DERA: variants seen among roughly 807,000 people sequenced by gnomAD.
DERA encodes deoxyribose-phosphate aldolase.
In DERA, 15 loss-of-function variants were observed where a neutral mutation model predicts 41.1. The ratio of observed to expected loss-of-function variants is 0.37; its 90% CI spans 0.24 to 0.56. The LOEUF (loss-of-function observed/expected upper bound fraction) is 0.56, where lower values mean the gene tolerates loss of function less well. Among genes scored for constraint, DERA ranks in the 20% least tolerant of loss-of-function variants. The pLI, the probability that DERA is intolerant of heterozygous loss-of-function variation, is 0.81. For missense variants in DERA, 396 were observed against 403.4 expected (o/e 0.98, Z 0.16); for synonymous variants, 139 against 137.4 (o/e 1.01, Z -0.08).
rs147923803 is a variant in DERA, at chr12:15,962,808, A to G, written c.374-5A>G. 36 of 1,525,348 alleles carry G rather than the reference A, an allele frequency of 2.4e-5. No individual in the cohort carries two copies. Among genetic ancestry groups the G allele is most frequent in the African/African-American group, 5.6e-5 (4 of 71,290 alleles). The allele number at this position is 1,525,348 out of a possible 1,614,324, so 94.5% of individuals were successfully genotyped here. On this transcript the variant is annotated splice_polypyrimidine_tract_variant and splice_region_variant and intron_variant, in intron 4 of 8. Coordinates refer to ENST00000428559, the MANE Select transcript of DERA (RefSeq NM_015954.4). ...TTTCTTCATTTCCTTTCTTAACTCTATTAGTGGCCGCTGGATTTCCAGCTG... is the reference window on the plus strand; with the variant it reads ...TTTCTTCATTTCCTTTCTTAACTCTGTTAGTGGCCGCTGGATTTCCAGCTG...
intron 6 of DERA, among the ~76,000 whole-genome samples, chr12:16,007,290 T>G (rs145907738): frequency 0.016 from 2,429 of 152,148 alleles, 31 homozygotes; most frequent in Middle Eastern, 0.031. Context: ...TTCAAGTGAT[T>G]CTTGTGCCTC....
At chr12:15,963,223 A>G (rs1283237051) in intron 5 of DERA, among the ~76,000 whole-genome samples, 2 of 152,130 alleles carry the variant, frequency 1.3e-5, no homozygotes, top group South Asian at 2.1e-4. Flanking sequence ...AAACAATTTT[A>G]TTTTACCAAC....
chr12:15,946,504 G>A (rs1948450057), intron 1 of DERA, among the ~76,000 whole-genome samples: 1 of 152,102 alleles, frequency 6.6e-6, no homozygotes, highest in South Asian at 2.1e-4. Flanking sequence ...AGATTTTCTA[G>A]TTTATTTGCA....
intron 5 of DERA, among the ~76,000 whole-genome samples, chr12:15,980,679 C>T (rs1458924748): frequency 6.6e-6 from 1 of 151,992 alleles, no homozygotes; most frequent in African/African-American, 2.4e-5. Flanking sequence ...TCAGATCATC[C>T]CTAGTACTCA....
At chr12:16,005,955 C>T (rs1948907604) in intron 6 of DERA, among the ~76,000 whole-genome samples, 2 of 152,180 alleles carry the variant, frequency 1.3e-5, no homozygotes, top group African/African-American at 4.8e-5. Context: ...TCCTTACAAT[C>T]TCTTTAAACA....
chr12:16,034,932 A>C (rs1392666678), intron 7 of DERA, among the ~76,000 whole-genome samples: 1 of 134,026 alleles, frequency 7.5e-6, no homozygotes, highest in Non-Finnish European at 1.6e-5. Flanking sequence ...CTCAACAAAT[A>C]ACCTCATCCT....
In DERA at chr12:15,936,336, G is replaced by C. The variant is rs1431413047; in HGVS notation, c.32-20600G>C. Among the ~76,000 whole-genome samples, 2 of 152,182 alleles carry C rather than the reference G, an allele frequency of 1.3e-5. No homozygotes were observed. Among genetic ancestry groups the C allele is most frequent in the African/African-American group, 4.8e-5 (2 of 41,456 alleles). On this transcript the variant is annotated intron_variant, in intron 1 of 8. Coordinates refer to ENST00000428559, the MANE Select transcript of DERA (RefSeq NM_015954.4). This position sits in a 1 kb window ranked among gnomAD's most constrained non-coding sequence, Gnocchi z 4.6. The stretch of plus-strand genomic sequence containing the variant: ...TCAAACATTCAGAAAAGTAGGACTA[G>C]TATAAAGAACACTCATATATCTGTC...
At position 15,999,054 on chromosome 12, in the gene DERA, CA is replaced by C. The variant is rs930186795; in HGVS notation, c.637+16620del. Among the ~76,000 whole-genome samples the C allele has an allele frequency of 2.6e-5, 4 of 152,148 alleles. No homozygotes were observed. The highest frequency in any genetic ancestry group is 9.7e-5 in the African/African-American group (4 of 41,430). On this transcript the variant is annotated intron_variant, in intron 6 of 8. Transcript: ENST00000428559. The surrounding 1 kb of genome is among the most constrained non-coding windows in gnomAD (Gnocchi z 5.3). ...TTTAGGATTTGAATAGGGAGTTCCC[CA>C]ATTCCAAACTGTGTCGGGGAATGGG...
rs1213171945 is a variant in DERA, at chr12:16,021,462, A to G, written c.638-11080A>G. Among the ~76,000 whole-genome samples the G allele has an allele frequency of 6.6e-6, 1 of 152,252 alleles. No individual in the cohort carries two copies. Among genetic ancestry groups the G allele is most frequent in the Non-Finnish European group, 1.5e-5 (1 of 68,040 alleles). Reference sequence around the variant, plus strand: ...GATGTGTCAGAAAGACTGGGTACCCAGGCAGGGATTCTCTACTAAGGCAGT... The same window carrying G: ...GATGTGTCAGAAAGACTGGGTACCCGGGCAGGGATTCTCTACTAAGGCAGT... On this transcript the variant is annotated intron_variant, in intron 6 of 8. Coordinates refer to ENST00000428559, the MANE Select transcript of DERA (RefSeq NM_015954.4). The surrounding 1 kb of genome is among the most constrained non-coding windows in gnomAD (Gnocchi z 5.3).
At position 15,998,953 on chromosome 12, in the gene DERA, C is replaced by G. The variant is rs1473245868; in HGVS notation, c.637+16517C>G. ...ATTTATATTTTAAATTTAGGTCTCT[C>G]AGGACATTTGTAATTCTTCTACTGT... On this transcript the variant is annotated intron_variant, in intron 6 of 8. Transcript: ENST00000428559. This position sits in a 1 kb window ranked among gnomAD's most constrained non-coding sequence, Gnocchi z 4.8. Among the ~76,000 whole-genome samples the G allele has an allele frequency of 1.3e-5, 2 of 152,172 alleles. No individual in the cohort carries two copies. The highest frequency in any genetic ancestry group is 1.5e-5 in the Non-Finnish European group (1 of 68,036).
chr12:16,023,257 C>T (rs1949028122), intron 6 of DERA, among the ~76,000 whole-genome samples: 1 of 152,002 alleles, frequency 6.6e-6, no homozygotes, highest in Non-Finnish European at 1.5e-5. Flanking sequence ...TAGGGAAGCC[C>T]AGAATAAAGA....
At position 15,957,058 on chromosome 12, in the gene DERA, G is replaced by T. The variant is rs779403940; in HGVS notation, c.129+25G>T. ...GGTAAGGGTTCTTCTTGAGCATTCTGTGCCTGTATTTTACAATGCATGGTC... is the reference window on the plus strand; with the variant it reads ...GGTAAGGGTTCTTCTTGAGCATTCTTTGCCTGTATTTTACAATGCATGGTC... On this transcript the variant is annotated intron_variant, in intron 2 of 8. Transcript: ENST00000428559. The surrounding 1 kb of genome is among the most constrained non-coding windows in gnomAD (Gnocchi z 4.8). The T allele has an allele frequency of 7.0e-6, 11 of 1,580,140 alleles. No individual in the cohort carries two copies. In the South Asian group the frequency reaches 1.2e-4, roughly 18 times the overall value.
chr12:15,925,755 TA>T (rs900936195), intron 1 of DERA, among the ~76,000 whole-genome samples: 5 of 151,672 alleles, frequency 3.3e-5, no homozygotes, highest in African/African-American at 9.7e-5. Flanking sequence ...TTTGCTGACT[TA>T]GAGGACCTTA....
At chr12:16,025,300 C>T (rs1949046042) in intron 6 of DERA, among the ~76,000 whole-genome samples, 1 of 152,026 alleles carries the variant, frequency 6.6e-6, no homozygotes, top group Non-Finnish European at 1.5e-5. Context: ...TATATGTTGT[C>T]TGTAAGAAAG....
rs777310355 is a variant in DERA, at chr12:15,979,978, A to G, written c.509-2330A>G. Among the ~76,000 whole-genome samples, 34 of 152,352 alleles carry G rather than the reference A, an allele frequency of 2.2e-4. No individual in the cohort carries two copies. The South Asian group carries it at 2.7e-3, about 12-fold the overall frequency. ...AAAGTTCACTTTAACAACTGCTGTA[A>G]TAAAATACTTTCCAGCCTTGTCTGA... On this transcript the variant is annotated intron_variant, in intron 5 of 8. Coordinates refer to ENST00000428559, the MANE Select transcript of DERA (RefSeq NM_015954.4).
intron 1 of DERA, among the ~76,000 whole-genome samples, chr12:15,923,882 G>GT (rs1948263949): frequency 6.6e-6 from 1 of 151,788 alleles, no homozygotes; most frequent in African/African-American, 2.4e-5. Context: ...TTTTCTTGTT[G>GT]TTTTTTCAAA....
rs1396507083 is a variant in DERA, at chr12:15,992,241, G to A, written c.637+9805G>A. 2.0e-5 allele frequency among the ~76,000 whole-genome samples: 3 copies of A among 152,090 alleles called. No individual in the cohort carries two copies. Among genetic ancestry groups the A allele is most frequent in the Non-Finnish European group, 4.4e-5 (3 of 67,956 alleles). On this transcript the variant is annotated intron_variant, in intron 6 of 8. Transcript: ENST00000428559. The surrounding 1 kb of genome is among the most constrained non-coding windows in gnomAD (Gnocchi z 4.3). ...AGAAAAAAGATAGAGATAAGGAAAA[G>A]TGAAAAGAAGCAAAAAGAAATTTGA...
intron 1 of DERA, among the ~76,000 whole-genome samples, chr12:15,914,297 G>A (rs574409791): frequency 4.0e-5 from 6 of 151,746 alleles, no homozygotes; most frequent in African/African-American, 9.7e-5. Flanking sequence ...TACGAGAATC[G>A]CTTGAACCCA....
intron 5 of DERA, 98 bp downstream of exon 5, chr12:15,963,045 G>A: frequency 1.4e-6 from 2 of 1,441,528 alleles, no homozygotes; most frequent in South Asian, 2.9e-5. Flanking sequence ...CACTGTTCTA[G>A]GTGACAAGTT....
Sources: gnomAD v4.1 joint callset for allele counts (sites outside exome capture counted in the v4.1 genomes callset) on GRCh38, gnomAD v4.1.1 for gene constraint, Gnocchi (gnomAD v3.1) non-coding constraint, MANE v1.5 for transcripts, NCBI Gene and HGNC (gene_info 2026-07-23, HGNC 2026-07-21) for gene names.